Variants in PLCL1 observed in about 807,000 individuals in gnomAD.
PLCL1 encodes phospholipase C like 1 (inactive).
PLCL1 carries 41 observed loss-of-function variants against 84.4 expected under a neutral mutation model. The observed-to-expected ratio is 0.49, with a 90% CI of 0.38 to 0.63. The LOEUF (loss-of-function observed/expected upper bound fraction) is 0.63, where lower values mean the gene tolerates loss of function less well. Ranked by LOEUF, PLCL1 falls within the 30% of genes least tolerant of loss-of-function variation. The pLI is 0.00. For synonymous variants in PLCL1, 490 were observed against 488.3 expected, an observed-to-expected ratio of 1.00 and a Z score of -0.05; for missense variants, 1,206 against 1,367.8, an observed-to-expected ratio of 0.88 and a Z score of 1.87.
chr2:198,127,011 TG>T (rs200920446), intron 5 of PLCL1, among the ~76,000 whole-genome samples: 1 of 56,780 alleles, frequency 1.8e-5, no homozygotes. Flanking sequence ...TGTGTGTGTG[TG>T]GGGGGTGGTG....
intron 1 of PLCL1, among the ~76,000 whole-genome samples, chr2:197,962,877 C>A (rs1276942432): frequency 6.6e-6 from 1 of 152,038 alleles, no homozygotes; most frequent in African/African-American, 2.4e-5. Flanking sequence ...CCCTCCAGTT[C>A]TGCCTATGTT....
intron 1 of PLCL1, among the ~76,000 whole-genome samples, chr2:197,855,216 G>A (rs915275177): frequency 6.6e-6 from 1 of 152,140 alleles, no homozygotes; most frequent in Admixed American, 6.6e-5. Flanking sequence ...CCTGACATTA[G>A]TTTCCTCTCA....
At chr2:198,040,263 G>A (rs1197866933) in intron 1 of PLCL1, among the ~76,000 whole-genome samples, 4 of 152,132 alleles carry the variant, frequency 2.6e-5, no homozygotes, top group Non-Finnish European at 4.4e-5. Flanking sequence ...TAGTGCATTT[G>A]AAAAACTGGC....
At chr2:197,989,283 TG>T (rs1306456416) in intron 1 of PLCL1, among the ~76,000 whole-genome samples, 5 of 152,058 alleles carry the variant, frequency 3.3e-5, no homozygotes, top group African/African-American at 7.2e-5. Context: ...TTGACCTAGT[TG>T]GGGAGATAAA....
chr2:198,045,512 A>G (rs1691765752), intron 1 of PLCL1, among the ~76,000 whole-genome samples: 1 of 152,208 alleles, frequency 6.6e-6, no homozygotes, highest in South Asian at 2.1e-4. Context: ...AACTGTGGAA[A>G]TATTTGATGA....
chr2:198,085,997 C>G lies in PLCL1; in HGVS notation c.2480C>G (p.Pro827Arg). ...ECLQPGYRHV[P>R]LRSFVGDIME... ...TTGCAGCCTGGATATCGGCATGTTC[C>G]CCTGCGTTCTTTTGTGGGTGACATC... The change falls in exon 2 of 6, where the codon CCC becomes CGC. Residue 827 changes from proline (P) to arginine (R), a missense_variant. Physicochemically the swap from Pro to Arg is moderately radical, Grantham distance 103. Coordinates refer to ENST00000428675, the MANE Select transcript of PLCL1 (RefSeq NM_006226.4). The surrounding 1 kb of genome is among the most constrained non-coding windows in gnomAD (Gnocchi z 5.3). The G allele has an allele frequency of 1.2e-6, 2 of 1,614,038 alleles. No individual in the cohort carries two copies. The highest frequency in any genetic ancestry group is 1.7e-6 in the Non-Finnish European group (2 of 1,179,974).
At chr2:197,944,729 T>G (rs1270581399) in intron 1 of PLCL1, among the ~76,000 whole-genome samples, 1 of 152,194 alleles carries the variant, frequency 6.6e-6, no homozygotes, top group Admixed American at 6.5e-5. Flanking sequence ...TTTTAGCAAC[T>G]TCCCTTACCT....
chr2:198,128,601 A>C (rs1387855654), intron 5 of PLCL1, among the ~76,000 whole-genome samples: 2 of 152,100 alleles, frequency 1.3e-5, no homozygotes, highest in Non-Finnish European at 2.9e-5. Context: ...TTGATCCGTC[A>C]AGTGCAGGGT....
At chr2:198,118,834 C>T (rs1693804429) in intron 5 of PLCL1, among the ~76,000 whole-genome samples, 1 of 151,970 alleles carries the variant, frequency 6.6e-6, no homozygotes, top group Non-Finnish European at 1.5e-5. Flanking sequence ...TTTTCTGTCT[C>T]TAACCTTTTG....
In PLCL1 at chr2:197,858,445, C is replaced by T. The variant is rs562524686; in HGVS notation, c.240+53106C>T. On this transcript the variant is annotated intron_variant, in intron 1 of 5. Coordinates refer to ENST00000428675, the MANE Select transcript of PLCL1 (RefSeq NM_006226.4). The stretch of plus-strand genomic sequence containing the variant: ...GTCTCCATTCTGATTTTTCCTCTAT[C>T]GCGTTCTCCCTTATGCGGGGTGGTA... Among the ~76,000 whole-genome samples the T allele has an allele frequency of 3.9e-5, 6 of 152,260 alleles. No individual in the cohort carries two copies. In the East Asian group the frequency reaches 7.7e-4, roughly 20 times the overall value.
intron 1 of PLCL1, among the ~76,000 whole-genome samples, chr2:197,969,332 A>T (rs1689812883): frequency 6.6e-6 from 1 of 152,174 alleles, no homozygotes; most frequent in Admixed American, 6.5e-5. Context: ...CATAGTGGCA[A>T]TATGTCCTCT....
intron 1 of PLCL1, among the ~76,000 whole-genome samples, chr2:197,951,113 A>G (rs533125371): frequency 6.6e-6 from 1 of 152,266 alleles, no homozygotes; most frequent in Non-Finnish European, 1.5e-5. Context: ...ACATGACTGG[A>G]ATGGCTATAG....
intron 1 of PLCL1, among the ~76,000 whole-genome samples, chr2:198,019,200 G>A (rs984991366): frequency 3.9e-5 from 6 of 152,146 alleles, no homozygotes; most frequent in Non-Finnish European, 4.4e-5. Flanking sequence ...TCAACAAAAA[G>A]GACGACCATG....
At chr2:197,922,979 C>G (rs7576263) in intron 1 of PLCL1, among the ~76,000 whole-genome samples, 658 of 37,866 alleles carry the variant, frequency 0.017, no homozygotes, top group East Asian at 0.05. Flanking sequence ...CCTCCCGGAC[C>G]GGGCGGCTGG....
chr2:197,904,429 G>C (rs1688336386), intron 1 of PLCL1, among the ~76,000 whole-genome samples: 1 of 152,122 alleles, frequency 6.6e-6, no homozygotes, highest in African/African-American at 2.4e-5. Flanking sequence ...CATTTCTTTT[G>C]TATTAGAAAG....
chr2:197,989,739 A>C (rs533802378), intron 1 of PLCL1, among the ~76,000 whole-genome samples: 207 of 152,242 alleles, frequency 1.4e-3, no homozygotes, highest in Middle Eastern at 3.4e-3. Flanking sequence ...ACAAAAAAAA[A>C]AGTGTTTTGG....
intron 1 of PLCL1, among the ~76,000 whole-genome samples, chr2:197,849,616 A>G (rs1687187701): frequency 6.6e-6 from 1 of 152,220 alleles, no homozygotes; most frequent in Non-Finnish European, 1.5e-5. Flanking sequence ...TTAATGCAAG[A>G]AATTTGGAGA....
intron 1 of PLCL1, among the ~76,000 whole-genome samples, chr2:197,868,343 G>A (rs1687586045): frequency 6.6e-6 from 1 of 152,104 alleles, no homozygotes; most frequent in South Asian, 2.1e-4. Context: ...TCAACTAGGT[G>A]GAAACTAGGC....
chr2:197,813,866 C>T (rs888988399), intron 1 of PLCL1, among the ~76,000 whole-genome samples: 2 of 152,122 alleles, frequency 1.3e-5, no homozygotes, highest in African/African-American at 4.8e-5. Context: ...TGTTCTTATC[C>T]TCTAAAACAG....
Sources: gnomAD v4.1 joint callset for allele counts (sites outside exome capture counted in the v4.1 genomes callset) on GRCh38, gnomAD v4.1.1 for gene constraint, Gnocchi (gnomAD v3.1) non-coding constraint, MANE v1.5 for transcripts, NCBI Gene and HGNC (gene_info 2026-07-23, HGNC 2026-07-21) for gene names.